The following KAT6A variants were observed in gnomAD, a reference collection of about 807,000 sequenced individuals.
KAT6A encodes lysine acetyltransferase 6A, also known as histone acetyltransferase KAT6A.
Under a neutral mutation model 198.4 loss-of-function variants are expected in KAT6A, and 9 were observed. The observed-to-expected ratio is 0.05, with a 90% CI of 0.03 to 0.08. The LOEUF (loss-of-function observed/expected upper bound fraction) is 0.08. Among genes scored for constraint, KAT6A ranks in the 10% least tolerant of loss-of-function variants. The pLI is 1.00. For synonymous variants in KAT6A, 890 were observed against 883.0 expected, an observed-to-expected ratio of 1.01 and a Z score of -0.14; for missense variants, 2,077 against 2,509.9, an observed-to-expected ratio of 0.83 and a Z score of 3.69.
At chr8:42,000,931 A>G (rs1825466308) in intron 2 of KAT6A, among the ~76,000 whole-genome samples, 1 of 152,238 alleles carries the variant, frequency 6.6e-6, no homozygotes, top group Non-Finnish European at 1.5e-5. Context: ...CTCCAAGTTC[A>G]TAACTCTAAA....
At chr8:42,007,961 C>CCA (rs1491538556) in intron 2 of KAT6A, among the ~76,000 whole-genome samples, 3 of 42,896 alleles carry the variant, frequency 7.0e-5, no homozygotes, top group East Asian at 1.5e-3. Context: ...GACTCCGTCT[C>CCA]AAAAAAAAAA....
chr8:42,023,270 C>G (rs1826637905), intron 2 of KAT6A, among the ~76,000 whole-genome samples: 1 of 151,950 alleles, frequency 6.6e-6, no homozygotes, highest in African/African-American at 2.4e-5. Flanking sequence ...TGAGTGAACA[C>G]AAAAGCCTAG....
At position 41,990,051 on chromosome 8, in the gene KAT6A, GA is replaced by G. The variant is rs1289059924; in HGVS notation, c.601-2489del. 9.1e-3 allele frequency among the ~76,000 whole-genome samples: 1,307 copies of G among 143,262 alleles called. 4 individuals carry two copies. The highest frequency in any genetic ancestry group is 0.029 in the Middle Eastern group (8 of 280). The allele number at this position is 143,262 out of a possible 152,430, so 94.0% of individuals were successfully genotyped here. A position where few individuals can be genotyped will look rare whatever the true frequency, so the allele number is the denominator to read the frequency against. ...CTTTATCCAGCAGTAAAAATCTGGG[GA>G]AAAAAAAAAACCCAACAACTCTAAA... On this transcript the variant is annotated intron_variant, in intron 2 of 16. Transcript: ENST00000265713.
At chr8:42,051,086 G>A (rs1802602142) in intron 1 of KAT6A, among the ~76,000 whole-genome samples, 1 of 152,148 alleles carries the variant, frequency 6.6e-6, no homozygotes, top group Non-Finnish European at 1.5e-5. Flanking sequence ...AACAGACCCC[G>A]AGCACAAGTT....
At chr8:41,986,810 G>A (rs558096244) in intron 3 of KAT6A, among the ~76,000 whole-genome samples, 1 of 152,160 alleles carries the variant, frequency 6.6e-6, no homozygotes, top group South Asian at 2.1e-4. Flanking sequence ...GGCCAAGGCA[G>A]GCAGATCACC....
At position 41,929,946 on chromosome 8, in the gene KAT6A, A is replaced by G. The variant is rs1273158861; in HGVS notation, c.*2259T>C. ...AGTTTTTAAATTTCTTTTTTAGAAG[A>G]TTACCCAAGTTATCTTGCTAAAAAT... On this transcript the variant is annotated 3_prime_UTR_variant, in exon 17 of 17. Coordinates refer to ENST00000265713, the MANE Select transcript of KAT6A (RefSeq NM_006766.5). 4.6e-6 allele frequency: 1 copy of G among 218,626 alleles called. No individual in the cohort carries two copies. Among genetic ancestry groups the G allele is most frequent in the African/African-American group, 2.2e-5 (1 of 44,538 alleles). The allele number at this position is 218,626 out of a possible 1,614,324, so 13.5% of individuals were successfully genotyped here.
intron 2 of KAT6A, among the ~76,000 whole-genome samples, chr8:41,989,521 A>G (rs151095171): frequency 1.5e-5 from 2 of 137,902 alleles, no homozygotes; most frequent in Admixed American, 1.5e-4. Context: ...GAAAAATAAC[A>G]TAACGTAACG....
At chr8:42,035,952 C>T (rs746409860) in intron 2 of KAT6A, among the ~76,000 whole-genome samples, 6 of 152,016 alleles carry the variant, frequency 3.9e-5, no homozygotes, top group Admixed American at 6.5e-5. Flanking sequence ...TGATGGCACA[C>T]GGCCCCTGAG....
intron 2 of KAT6A, among the ~76,000 whole-genome samples, chr8:41,998,088 C>T (rs1825309706): frequency 6.6e-6 from 1 of 152,084 alleles, no homozygotes; most frequent in African/African-American, 2.4e-5. Context: ...AAATGTTACT[C>T]CTTGGTGGGC....
chr8:42,042,493 T>C (rs1036869208), intron 2 of KAT6A, among the ~76,000 whole-genome samples: 1 of 151,524 alleles, frequency 6.6e-6, no homozygotes, highest in African/African-American at 2.4e-5. Context: ...ACATCGAAAA[T>C]TTAAATTCTA....
chr8:41,968,034 T>C (rs1823598353), intron 8 of KAT6A, among the ~76,000 whole-genome samples: 1 of 152,008 alleles, frequency 6.6e-6, no homozygotes. Context: ...GAAGAAAACC[T>C]AGGCATTACC....
intron 2 of KAT6A, among the ~76,000 whole-genome samples, chr8:42,044,661 C>T (rs1250299498): frequency 6.6e-6 from 1 of 152,140 alleles, no homozygotes; most frequent in Non-Finnish European, 1.5e-5. Flanking sequence ...GGTTACTCCA[C>T]GCAGTCTTTG....
chr8:42,036,973 T>C (rs577010306), intron 2 of KAT6A, among the ~76,000 whole-genome samples: 30 of 152,260 alleles, frequency 2.0e-4, no homozygotes, highest in Non-Finnish European at 3.5e-4. Flanking sequence ...ATTATGAGGT[T>C]AAAAAGTACC....
At chr8:42,020,383 A>G (rs910044463) in intron 2 of KAT6A, among the ~76,000 whole-genome samples, 3 of 152,250 alleles carry the variant, frequency 2.0e-5, no homozygotes, top group Admixed American at 6.5e-5. Flanking sequence ...ATGTCACGGT[A>G]TCAGATAAAC....
intron 2 of KAT6A, among the ~76,000 whole-genome samples, chr8:41,997,254 G>T (rs1227542631): frequency 2.0e-5 from 3 of 152,118 alleles, no homozygotes; most frequent in Non-Finnish European, 4.4e-5. Context: ...CAAATCAGAT[G>T]ATTTAAGTAA....
chr8:41,995,120 T>C (rs1825133686), intron 2 of KAT6A, among the ~76,000 whole-genome samples: 1 of 152,116 alleles, frequency 6.6e-6, no homozygotes, highest in African/African-American at 2.4e-5. Context: ...CAATAAGTAT[T>C]ACTGAATAAT....
At chr8:42,027,679 T>A (rs1826894236) in intron 2 of KAT6A, among the ~76,000 whole-genome samples, 2 of 152,224 alleles carry the variant, frequency 1.3e-5, no homozygotes, top group South Asian at 4.1e-4. Context: ...TCTTCTCTCT[T>A]TTTTCTTGGT....
In KAT6A at chr8:41,949,371, C is replaced by T. The variant is rs12114658; in HGVS notation, c.1599-8G>A. The stretch of plus-strand genomic sequence containing the variant: ...AGATACAATTTGGGCAGCCTGTAAA[C>T]GATAATTAAACAAAAAAGACAGGGC... On this transcript the variant is annotated splice_region_variant and splice_polypyrimidine_tract_variant and intron_variant, in intron 9 of 16. Transcript: ENST00000265713. 1.5e-3 allele frequency: 2,271 copies of T among 1,478,582 alleles called. 26 individuals are homozygous for T. The African/African-American group carries it at 0.028, about 18-fold the overall frequency. The allele number at this position is 1,478,582 out of a possible 1,614,324, so 91.6% of individuals were successfully genotyped here. A position where few individuals can be genotyped will look rare whatever the true frequency, so the allele number is the denominator to read the frequency against.
In KAT6A at chr8:41,934,199, C is replaced by T. The variant is rs1419903944; in HGVS notation, c.4021G>A (p.Val1341Ile). The change falls in exon 17 of 17, where the codon GTC (valine) becomes ATC (isoleucine). Residue 1341 changes from valine (V) to isoleucine (I), a missense_variant. Around this residue, in one of 13 missense-constraint regions of KAT6A, gnomAD observed 375 missense variants for 383.0 expected, o/e 0.98. Coordinates refer to ENST00000265713, the MANE Select transcript of KAT6A (RefSeq NM_006766.5). ...ELEEQPTRED[V>I]KEEPGVQESF... ...TCTTGAACACCAGGCTCCTCCTTGA[C>T]ATCTTCCCTCGTGGGCTGTTCCTCT... is the stretch of plus-strand genomic sequence containing the variant. The T allele has an allele frequency of 2.5e-6, 4 of 1,614,214 alleles. No individual in the cohort carries two copies. Among genetic ancestry groups the T allele is most frequent in the Non-Finnish European group, 3.4e-6 (4 of 1,180,048 alleles).
Sources: allele counts gnomAD v4.1 joint callset (sites outside exome capture counted in the v4.1 genomes callset), GRCh38; gene constraint gnomAD v4.1.1; regional missense constraint gnomAD v4.1.1; transcripts MANE v1.5; gene names NCBI Gene and HGNC (gene_info 2026-07-23, HGNC 2026-07-21).